Variants in EYA1 observed in about 807,000 individuals in gnomAD.
EYA1 encodes protein phosphatase EYA1.
A neutral mutation model predicts 82.0 loss-of-function variants in EYA1; 16 were observed. The observed-to-expected ratio is 0.20, with a 90% confidence interval of 0.13 to 0.30. The LOEUF (loss-of-function observed/expected upper bound fraction) is 0.30, where lower values mean the gene tolerates loss of function less well. Ranked by LOEUF, EYA1 falls within the 10% of genes least tolerant of loss-of-function variation. The pLI is 1.00. For missense variants in EYA1, 633 were observed against 730.7 expected (o/e 0.87, Z 1.54); for synonymous variants, 261 against 264.4 (o/e 0.99, Z 0.12).
intron 1 of EYA1, among the ~76,000 whole-genome samples, chr8:71,539,683 T>C (rs911812603): frequency 6.6e-6 from 1 of 152,186 alleles, no homozygotes; most frequent in African/African-American, 2.4e-5. Context: ...GGGGATGCTT[T>C]AGAAAGCAAG....
At chr8:71,367,480 C>A (rs1000429295) in intron 2 of EYA1, among the ~76,000 whole-genome samples, 3 of 151,236 alleles carry the variant, frequency 2.0e-5, no homozygotes, top group African/African-American at 7.3e-5. Flanking sequence ...AACCCCCAAA[C>A]CTAATAACCT....
At chr8:71,414,289 C>G (rs1253157970) in intron 2 of EYA1, among the ~76,000 whole-genome samples, 1 of 152,172 alleles carries the variant, frequency 6.6e-6, no homozygotes, top group Non-Finnish European at 1.5e-5. Flanking sequence ...GCTCTCCAAG[C>G]AGCTGGAGGA....
At position 71,420,744 on chromosome 8, in the gene EYA1, T is replaced by A. The variant is rs527605107; in HGVS notation, c.34-64233A>T. On this transcript the variant is annotated intron_variant, in intron 2 of 18. Coordinates refer to the EYA1 transcript ENST00000643681. Reference sequence around the variant, plus strand: ...TAGCCAGACTAGAATAGTAAAATTGTAGTCTAAGTAGTTATCTCAGTTACA... The same window carrying A: ...TAGCCAGACTAGAATAGTAAAATTGAAGTCTAAGTAGTTATCTCAGTTACA... Among the ~76,000 whole-genome samples the A allele has an allele frequency of 1.3e-4, 20 of 152,306 alleles. No homozygotes were observed. The South Asian group carries it at 4.1e-3, about 32-fold the overall frequency.
intron 2 of EYA1, among the ~76,000 whole-genome samples, chr8:71,411,605 A>C (rs960473299): frequency 5.9e-5 from 9 of 151,848 alleles, no homozygotes; most frequent in African/African-American, 2.2e-4. Context: ...GAAGACATTT[A>C]TGCAGCCAAA....
intron 2 of EYA1, among the ~76,000 whole-genome samples, chr8:71,468,432 TTA>T (rs1002793202): frequency 1.3e-5 from 2 of 152,092 alleles, no homozygotes; most frequent in Non-Finnish European, 2.9e-5. Flanking sequence ...AACGGAAGTG[TTA>T]TAATATAACC....
chr8:71,437,175 C>G (rs575883066), intron 2 of EYA1, among the ~76,000 whole-genome samples: 44 of 150,780 alleles, frequency 2.9e-4, no homozygotes, highest in Non-Finnish European at 5.8e-4. Flanking sequence ...ATTAAGCCAC[C>G]AAATTTTTGA....
intron 2 of EYA1, among the ~76,000 whole-genome samples, chr8:71,435,866 A>G (rs1421889135): frequency 6.6e-6 from 1 of 152,170 alleles, no homozygotes; most frequent in Non-Finnish European, 1.5e-5. Flanking sequence ...AGTGGTCTAC[A>G]GTGCCAATTT....
At chr8:71,542,552 G>A (rs759982861) in intron 1 of EYA1, among the ~76,000 whole-genome samples, 1 of 152,156 alleles carries the variant, frequency 6.6e-6, no homozygotes, top group Admixed American at 6.5e-5. Context: ...AAAATAGAAC[G>A]ATTTACATTC....
intron 2 of EYA1, among the ~76,000 whole-genome samples, chr8:71,527,772 C>T (rs1173681850): frequency 2.6e-5 from 4 of 152,146 alleles, no homozygotes. Context: ...GGACTCTGTT[C>T]CATATGTCTA....
intron 7 of EYA1, among the ~76,000 whole-genome samples, chr8:71,311,934 G>A (rs1039264900): frequency 1.3e-5 from 2 of 152,146 alleles, no homozygotes; most frequent in African/African-American, 4.8e-5. Flanking sequence ...TGCTTGGCAG[G>A]ACAGAAGTGT....
intron 3 of EYA1, among the ~76,000 whole-genome samples, chr8:71,339,976 C>G (rs1454131403): frequency 1.3e-5 from 2 of 152,184 alleles, no homozygotes; most frequent in African/African-American, 4.8e-5. Context: ...ATAATTTCCA[C>G]CACTCTAATA....
chr8:71,524,440 T>C (rs936370191), intron 2 of EYA1, among the ~76,000 whole-genome samples: 8 of 152,216 alleles, frequency 5.3e-5, no homozygotes, highest in African/African-American at 1.7e-4. Context: ...AAACCCAGTA[T>C]TCATTTTTAG....
rs1809269824 is a variant in EYA1 at position 71,216,828 on chromosome 8, G to A, written c.1224C>T (p.Gly408=). Residue 408 remains glycine, a synonymous_variant, in exon 14 of 18, where the codon GGC becomes GGT. Coordinates refer to ENST00000340726, the MANE Select transcript of EYA1 (RefSeq NM_000503.6). The stretch of plus-strand genomic sequence containing the variant: ...TAGCACTGGTTGCTGCAGCAGGAAA[G>A]CCATCTGTTCCAAAGTTATATGTGC... ...DLSTYNFGTD[G]FPAAATSANL... 2 of 1,614,000 alleles carry A rather than the reference G, an allele frequency of 1.2e-6. No homozygotes were observed. The highest frequency in any genetic ancestry group is 3.3e-5 in the Admixed American group (2 of 59,984).
intron 12 of EYA1, chr8:71,225,162 CA>C (rs1475268438): frequency 2.2e-6 from 1 of 453,770 alleles, no homozygotes; most frequent in Non-Finnish European, 4.4e-6. Flanking sequence ...TGATGCAGAA[CA>C]GCATGATTCC....
Position 71,229,982 on chromosome 8 carries a change from A to C in EYA1, c.1141-12959T>G, listed in dbSNP as rs954970449. On this transcript the variant is annotated intron_variant, in intron 12 of 17. Coordinates refer to ENST00000340726, the MANE Select transcript of EYA1 (RefSeq NM_000503.6). ...TACAAAGGAGTAGCACACAATTAGC[A>C]GTGAGAAGGATCCAGCATTTAGAAA... Among the ~76,000 whole-genome samples, 17 of 152,312 alleles carry C rather than the reference A, an allele frequency of 1.1e-4. No individual in the cohort carries two copies. In the East Asian group the frequency reaches 3.3e-3, roughly 29 times the overall value.
At position 71,307,784 on chromosome 8, in the gene EYA1, G is replaced by A. The variant is rs1820887939; in HGVS notation, c.557-8064C>T. Among the ~76,000 whole-genome samples the A allele has an allele frequency of 2.0e-5, 3 of 152,148 alleles. No homozygotes were observed. The South Asian group carries it at 6.2e-4, about 32-fold the overall frequency. On this transcript the variant is annotated intron_variant, in intron 7 of 17. Coordinates refer to ENST00000340726, the MANE Select transcript of EYA1 (RefSeq NM_000503.6). ...ACATACCATCGGAGCATGCCGCTAG[G>A]ATGTTAACCTTGTTAGTCCAGCTGT... is the stretch of plus-strand genomic sequence containing the variant.
chr8:71,262,183 T>C (rs1815201299), intron 11 of EYA1, among the ~76,000 whole-genome samples: 1 of 152,232 alleles, frequency 6.6e-6, no homozygotes. Flanking sequence ...AAGGAGTTCA[T>C]TGGATAATAA....
chr8:71,489,894 GC>G (rs1173978820), intron 2 of EYA1, among the ~76,000 whole-genome samples: 1 of 152,196 alleles, frequency 6.6e-6, no homozygotes, highest in African/African-American at 2.4e-5. Context: ...AGAACTTGCA[GC>G]TTTGTGAGTT....
chr8:71,435,815 GTGTT>G (rs1312664067), intron 2 of EYA1, among the ~76,000 whole-genome samples: 1 of 152,074 alleles, frequency 6.6e-6, no homozygotes, highest in Non-Finnish European at 1.5e-5. Context: ...AACCACTTCA[GTGTT>G]GGATGGATTC....
Sources: allele counts gnomAD v4.1 joint callset (sites outside exome capture counted in the v4.1 genomes callset), GRCh38; gene constraint gnomAD v4.1.1; transcripts MANE v1.5; gene names NCBI Gene and HGNC (gene_info 2026-07-23, HGNC 2026-07-21).